PCDHGA10: variants seen among roughly 807,000 people sequenced by gnomAD.
The protein encoded by PCDHGA10 is protocadherin gamma-A10.
Under a neutral mutation model 59.5 loss-of-function variants are expected in PCDHGA10, and 42 were observed. The observed-to-expected ratio is 0.71, with a 90% CI of 0.55 to 0.91. The LOEUF (loss-of-function observed/expected upper bound fraction) is 0.91. Among genes scored for constraint, PCDHGA10 ranks in the 40% least tolerant of loss-of-function variants. The probability of loss-of-function intolerance (pLI) is 0.00; values close to 1 mark genes in which losing one functional copy is unlikely to be tolerated. For missense variants in PCDHGA10, 1,111 were observed against 1,198.2 expected, an observed-to-expected ratio of 0.93 and a Z score of 1.07; for synonymous variants, 511 against 517.2, an observed-to-expected ratio of 0.99 and a Z score of 0.16.
At position 141,485,149 on chromosome 5, in the gene PCDHGA10, A is replaced by G; in HGVS notation, c.2437-9658A>G. 6.3e-7 allele frequency: 1 copy of G among 1,578,106 alleles called. No individual in the cohort carries two copies. Among genetic ancestry groups the G allele is most frequent in the South Asian group, 1.1e-5 (1 of 89,070 alleles). ...CGGCTTCATCCGCGTCTCAGGAGCA[A>G]GTAGAGAATTAGCGGGCGGCAGCAA... On this transcript the variant is annotated intron_variant, in intron 1 of 3. Transcript: ENST00000398610. This position sits in a 1 kb window ranked among gnomAD's most constrained non-coding sequence, Gnocchi z 5.7.
chr5:141,487,340 G>A lies in PCDHGA10; in HGVS notation c.2437-7467G>A, dbSNP rs2099643329. 6.2e-7 allele frequency: 1 copy of A among 1,614,182 alleles called. No individual in the cohort carries two copies. Among genetic ancestry groups the A allele is most frequent in the Admixed American group, 1.7e-5 (1 of 60,024 alleles). The stretch of plus-strand genomic sequence containing the variant: ...GTGTCTTCGTGGGGCAGCCTGTGGA[G>A]TCACATGCTTTCCTGCTGGCACCTG... On this transcript the variant is annotated intron_variant, in intron 1 of 3. Coordinates refer to ENST00000398610, the MANE Select transcript of PCDHGA10 (RefSeq NM_018913.3). This position sits in a 1 kb window ranked among gnomAD's most constrained non-coding sequence, Gnocchi z 5.0.
intron 1 of PCDHGA10, among the ~76,000 whole-genome samples, chr5:141,435,444 A>T (rs1471113812): frequency 1.3e-5 from 2 of 152,216 alleles, no homozygotes; most frequent in South Asian, 2.1e-4. Context: ...TTTCATTAAT[A>T]CGATATCTGT....
chr5:141,469,834 T>C (rs1228732202), intron 1 of PCDHGA10, among the ~76,000 whole-genome samples: 4 of 152,068 alleles, frequency 2.6e-5, no homozygotes, highest in African/African-American at 9.7e-5. Context: ...ACATAAAACT[T>C]ATTCTTAAGA....
chr5:141,477,043 G>A lies in PCDHGA10; in HGVS notation c.2437-17764G>A. The A allele has an allele frequency of 6.2e-7, 1 of 1,614,260 alleles. No individual in the cohort carries two copies. Among genetic ancestry groups the A allele is most frequent in the Middle Eastern group, 1.6e-4 (1 of 6,062 alleles). On this transcript the variant is annotated intron_variant, in intron 1 of 3. Coordinates refer to ENST00000398610, the MANE Select transcript of PCDHGA10 (RefSeq NM_018913.3). This position sits in a 1 kb window ranked among gnomAD's most constrained non-coding sequence, Gnocchi z 4.9. The stretch of plus-strand genomic sequence containing the variant: ...CCGGGATGCTGACAATCAAGGGTCG[G>A]CTGGACTTCGAGGACACCAAACTCC...
chr5:141,422,828 T>C (rs1273420440), intron 1 of PCDHGA10: 2 of 1,614,232 alleles, frequency 1.2e-6, no homozygotes, highest in East Asian at 4.5e-5. Context: ...CTGAGAGTGA[T>C]AGCACGTGAC....
intron 1 of PCDHGA10, among the ~76,000 whole-genome samples, chr5:141,456,818 G>A (rs1214373156): frequency 1.3e-5 from 2 of 151,890 alleles, no homozygotes; most frequent in Admixed American, 6.6e-5. Context: ...CAAAAAATTA[G>A]CCATCGTGGT....
chr5:141,420,795 A>G (rs1046945975), intron 1 of PCDHGA10, among the ~76,000 whole-genome samples: 1 of 152,260 alleles, frequency 6.6e-6, no homozygotes, highest in Non-Finnish European at 1.5e-5. Flanking sequence ...AAAACTTTTT[A>G]AAAATTAAGC....
intron 1 of PCDHGA10, chr5:141,478,533 C>G: frequency 6.2e-7 from 1 of 1,608,070 alleles, no homozygotes; most frequent in African/African-American, 1.3e-5. Context: ...GCAGAGAGCG[C>G]CCCTCCCGGA....
At position 141,431,595 on chromosome 5, in the gene PCDHGA10, A is replaced by G; in HGVS notation, c.2436+15984A>G. The G allele has an allele frequency of 6.2e-7, 1 of 1,614,218 alleles. No homozygotes were observed. The highest frequency in any genetic ancestry group is 8.5e-7 in the Non-Finnish European group (1 of 1,180,034). On this transcript the variant is annotated intron_variant, in intron 1 of 3. Transcript: ENST00000398610. The surrounding 1 kb of genome is among the most constrained non-coding windows in gnomAD (Gnocchi z 4.8). Reference sequence around the variant, plus strand: ...GAAGGAGTCAATGCGGAAGTGAGGTATTCCTTCCGGTATGTGGACGACAAG... The same window carrying G: ...GAAGGAGTCAATGCGGAAGTGAGGTGTTCCTTCCGGTATGTGGACGACAAG...
intron 1 of PCDHGA10, among the ~76,000 whole-genome samples, chr5:141,438,587 CAT>C (rs1372372472): frequency 3.8e-4 from 28 of 73,432 alleles, no homozygotes; most frequent in African/African-American, 1.4e-3. Flanking sequence ...TACATACATA[CAT>C]ACATATATAT....
chr5:141,450,828 TA>T lies in PCDHGA10; in HGVS notation c.2436+35218del, dbSNP rs1427656987. Among the ~76,000 whole-genome samples the T allele has an allele frequency of 7.8e-4, 110 of 141,058 alleles. 1 individual carries two copies. The highest frequency in any genetic ancestry group is 1.8e-3 in the African/African-American group (65 of 36,868). The allele number at this position is 141,058 out of a possible 152,430, so 92.5% of individuals were successfully genotyped here. A position where few individuals can be genotyped will look rare whatever the true frequency, so the allele number is the denominator to read the frequency against. ...TTTATTTATTTAATATTATTATTAT[TA>T]TTTTTTTTTTTTTGAGATGGGGTCT... On this transcript the variant is annotated intron_variant, in intron 1 of 3. Transcript: ENST00000398610.
intron 1 of PCDHGA10, chr5:141,417,619 C>A: frequency 1.5e-6 from 1 of 656,120 alleles, no homozygotes; most frequent in South Asian, 2.4e-5. Flanking sequence ...CAGTGCAGAG[C>A]AAGCGCTGAC....
At chr5:141,461,051 A>G (rs1238514064) in intron 1 of PCDHGA10, among the ~76,000 whole-genome samples, 1 of 151,734 alleles carries the variant, frequency 6.6e-6, no homozygotes, top group East Asian at 1.9e-4. Flanking sequence ...ATGGGGACTT[A>G]GGTTGGTTTC....
At chr5:141,508,588 C>G (rs1721443459) in intron 3 of PCDHGA10, among the ~76,000 whole-genome samples, 1 of 152,176 alleles carries the variant, frequency 6.6e-6, no homozygotes, top group African/African-American at 2.4e-5. Context: ...GGGTGCTACT[C>G]AGAGATCTTG....
chr5:141,485,172 CA>C lies in PCDHGA10; in HGVS notation c.2437-9633del. 6.2e-7 allele frequency: 1 copy of C among 1,610,166 alleles called. No individual in the cohort carries two copies. Among genetic ancestry groups the C allele is most frequent in the Non-Finnish European group, 8.5e-7 (1 of 1,176,940 alleles). On this transcript the variant is annotated intron_variant, in intron 1 of 3. Coordinates refer to ENST00000398610, the MANE Select transcript of PCDHGA10 (RefSeq NM_018913.3). The surrounding 1 kb of genome is among the most constrained non-coding windows in gnomAD (Gnocchi z 5.7). ...CAAGTAGAGAATTAGCGGGCGGCAG[CA>C]ATGCTCCGCAAGGTGAGAAGCTGGA...
intron 1 of PCDHGA10, among the ~76,000 whole-genome samples, chr5:141,425,497 CT>C (rs2096879671): frequency 6.6e-6 from 1 of 152,164 alleles, no homozygotes; most frequent in African/African-American, 2.4e-5. Context: ...TAGGCTATAC[CT>C]TTATATTCTC....
intron 1 of PCDHGA10, chr5:141,423,023 C>G (rs1410040994): frequency 6.2e-7 from 1 of 1,614,222 alleles, no homozygotes; most frequent in Non-Finnish European, 8.5e-7. Context: ...GACAAAGATT[C>G]AGGCCAGAAC....
In PCDHGA10 at chr5:141,431,544, T is replaced by C. The variant is rs1409551731; in HGVS notation, c.2436+15933T>C. 1.2e-6 allele frequency: 2 copies of C among 1,614,152 alleles called. No individual in the cohort carries two copies. The highest frequency in any genetic ancestry group is 2.2e-5 in the South Asian group (2 of 91,092). ...AATCTGGCCTTGGGCACGCAGCTGC[T>C]TGTAGTCAACGCTACCGACCCTGAC... On this transcript the variant is annotated intron_variant, in intron 1 of 3. Coordinates refer to ENST00000398610, the MANE Select transcript of PCDHGA10 (RefSeq NM_018913.3). The surrounding 1 kb of genome is among the most constrained non-coding windows in gnomAD (Gnocchi z 4.8).
chr5:141,496,533 G>A (rs2099769399), intron 2 of PCDHGA10, among the ~76,000 whole-genome samples: 2 of 152,176 alleles, frequency 1.3e-5, no homozygotes, highest in Admixed American at 1.3e-4. Context: ...GTGTATGGCA[G>A]AGATTCCAGC....
Sources: gnomAD v4.1 joint callset for allele counts (sites outside exome capture counted in the v4.1 genomes callset) on GRCh38, gnomAD v4.1.1 for gene constraint, Gnocchi (gnomAD v3.1) non-coding constraint, MANE v1.5 for transcripts, NCBI Gene and HGNC (gene_info 2026-07-23, HGNC 2026-07-21) for gene names.